The following ZNF705A variants were observed in gnomAD, a reference collection of about 807,000 sequenced individuals.
ZNF705A encodes the protein zinc finger protein 705A.
ZNF705A carries 8 observed loss-of-function variants against 16.6 expected under a neutral mutation model. The observed-to-expected ratio is 0.48, with a 90% CI of 0.28 to 0.87. The LOEUF (loss-of-function observed/expected upper bound fraction) is 0.87, where lower values mean the gene tolerates loss of function less well. ZNF705A is among the 40% of genes least tolerant of loss of function. The pLI is 0.10. For missense variants in ZNF705A, 233 were observed against 359.9 expected (o/e 0.65, Z 2.85); for synonymous variants, 73 against 117.3 (o/e 0.62, Z 2.44).
At position 8,163,059 on chromosome 12, in the gene ZNF705A, C is replaced by T. The variant is rs774927101; in HGVS notation, c.-72+5967C>T. Among the ~76,000 whole-genome samples, 8 of 152,212 alleles carry T rather than the reference C, an allele frequency of 5.3e-5. No homozygotes were observed. The South Asian group carries it at 8.3e-4, about 16-fold the overall frequency. ...CTCAAATCCTCTTCACCAAGTGGAA[C>T]AAAACAACAGCGAAAGACCACCGCA... On this transcript the variant is annotated intron_variant, in intron 1 of 5. Transcript: ENST00000396570.
chr12:8,163,714 G>A (rs893241089), intron 1 of ZNF705A, among the ~76,000 whole-genome samples: 1 of 152,164 alleles, frequency 6.6e-6, no homozygotes, highest in African/African-American at 2.4e-5. Flanking sequence ...ACAGATACCT[G>A]CCAAATTCAT....
exon 5 of ZNF705A, chr12:8,177,245 C>G: frequency 6.2e-7 from 1 of 1,611,644 alleles, no homozygotes; most frequent in Non-Finnish European, 8.5e-7. Context: ...TCGCCTTAGA[C>G]GGCACAAGAT....
intron 1 of ZNF705A, among the ~76,000 whole-genome samples, chr12:8,159,493 T>C (rs1337971552): frequency 6.6e-6 from 1 of 152,186 alleles, no homozygotes; most frequent in Non-Finnish European, 1.5e-5. Flanking sequence ...TTTTTCTTTA[T>C]GGCCATTCTT....
At chr12:8,164,818 T>G (rs1948384404) in intron 1 of ZNF705A, among the ~76,000 whole-genome samples, 1 of 152,206 alleles carries the variant, frequency 6.6e-6, no homozygotes, top group African/African-American at 2.4e-5. Context: ...ATCTTTATAA[T>G]AGAATGATTT....
intron 1 of ZNF705A, among the ~76,000 whole-genome samples, chr12:8,167,437 C>T (rs1948408471): frequency 6.6e-6 from 1 of 152,072 alleles, no homozygotes; most frequent in Admixed American, 6.5e-5. Context: ...CAGGGCATGT[C>T]TCTTGGAATG....
At chr12:8,168,714 A>G (rs1367274135), upstream of ZNF705A, 1 of 152,226 alleles carries the variant, frequency 6.6e-6, no homozygotes, top group Non-Finnish European at 1.5e-5. Flanking sequence ...GACAATGCAG[A>G]TATAGAGAAT....
chr12:8,169,320 G>A (rs1171215523), upstream of ZNF705A, among the ~76,000 whole-genome samples: 1 of 152,024 alleles, frequency 6.6e-6, no homozygotes, highest in East Asian at 1.9e-4. Context: ...TGAATATATT[G>A]GATGTTGGAA....
chr12:8,164,125 A>AT (rs1057073451), intron 1 of ZNF705A, among the ~76,000 whole-genome samples: 3 of 152,086 alleles, frequency 2.0e-5, no homozygotes, highest in African/African-American at 7.2e-5. Context: ...CTTTTAGCAA[A>AT]TTTTAAGTAT....
intron 1 of ZNF705A, among the ~76,000 whole-genome samples, chr12:8,166,266 A>G (rs1948398347): frequency 1.3e-5 from 2 of 152,204 alleles, no homozygotes; most frequent in East Asian, 1.9e-4. Flanking sequence ...GCAGACTTCT[A>G]CTGGACATAC....
chr12:8,169,085 A>C (rs1474500567), upstream of ZNF705A, among the ~76,000 whole-genome samples: 1 of 152,128 alleles, frequency 6.6e-6, no homozygotes, highest in Non-Finnish European at 1.5e-5. Flanking sequence ...TCTGTCTTCT[A>C]TTGCTGTATT....
Position 8,176,984 on chromosome 12 carries a change from A to G in ZNF705A, c.319-15A>G, listed in dbSNP as rs766199015. 1 of 1,606,000 alleles carries G rather than the reference A, an allele frequency of 6.2e-7. No homozygotes were observed. Among genetic ancestry groups the G allele is most frequent in the African/African-American group, 1.3e-5 (1 of 74,602 alleles). On this transcript the variant is annotated splice_polypyrimidine_tract_variant and intron_variant, in intron 4 of 4. Transcript: ENST00000359286. ...GTGGGTAAACCATTAAGAGCTTTTAATCTTTGTCCCAAAGGAGAACTCTCT... is the reference window on the plus strand; with the variant it reads ...GTGGGTAAACCATTAAGAGCTTTTAGTCTTTGTCCCAAAGGAGAACTCTCT...
At chr12:8,163,082 G>A (rs141266632) in intron 1 of ZNF705A, among the ~76,000 whole-genome samples, 2,985 of 152,174 alleles carry the variant, frequency 0.02, 96 homozygotes, top group African/African-American at 0.067. Flanking sequence ...AAAGACCACC[G>A]CACATGGAGG....
At chr12:8,170,198 A>AAAT (rs1948435050), upstream of ZNF705A, among the ~76,000 whole-genome samples, 2 of 145,142 alleles carry the variant, frequency 1.4e-5, no homozygotes, top group Admixed American at 1.4e-4. Context: ...CCCCCCCCCA[A>AAAT]AAAAAAAAAG....
At chr12:8,168,407 G>A (rs1948417770), upstream of ZNF705A, among the ~76,000 whole-genome samples, 1 of 152,106 alleles carries the variant, frequency 6.6e-6, no homozygotes, top group South Asian at 2.1e-4. Flanking sequence ...TCCCATCAAG[G>A]CAGCATCTCA....
chr12:8,161,795 C>T (rs781160884), intron 1 of ZNF705A, among the ~76,000 whole-genome samples: 20 of 152,064 alleles, frequency 1.3e-4, no homozygotes, highest in Non-Finnish European at 2.4e-4. Context: ...GCACGGAGGC[C>T]GCCGGCAACC....
upstream of ZNF705A, among the ~76,000 whole-genome samples, chr12:8,168,285 A>G (rs1219943565): frequency 6.6e-6 from 1 of 152,166 alleles, no homozygotes; most frequent in Non-Finnish European, 1.5e-5. Context: ...CAATGTGATA[A>G]CTGACAGGCC....
At chr12:8,170,527 G>A (rs1591624134), upstream of ZNF705A, among the ~76,000 whole-genome samples, 1 of 124,784 alleles carries the variant, frequency 8.0e-6, no homozygotes, top group Non-Finnish European at 1.9e-5. Flanking sequence ...GGCACAGTCT[G>A]TATATGACCA....
intron 1 of ZNF705A, among the ~76,000 whole-genome samples, chr12:8,160,884 G>A (rs1403429454): frequency 2.0e-5 from 3 of 152,134 alleles, no homozygotes; most frequent in African/African-American, 7.2e-5. Context: ...TACTGAGAGT[G>A]TGCATCCTTG....
chr12:8,175,708 A>C, intron 3 of ZNF705A, 152 bp from the exon 5 acceptor site: 2 of 1,146,908 alleles, frequency 1.7e-6, no homozygotes, highest in Admixed American at 4.9e-5. Context: ...ACACTGTACA[A>C]TCTATTTCTT....
Sources: allele counts gnomAD v4.1 joint callset (sites outside exome capture counted in the v4.1 genomes callset), GRCh38; gene constraint gnomAD v4.1.1; transcripts MANE v1.5; gene names NCBI Gene and HGNC (gene_info 2026-07-23, HGNC 2026-07-21).